The following TNFRSF19 variants were observed in gnomAD, a reference collection of about 807,000 sequenced individuals.
TNFRSF19 encodes the protein TNF receptor superfamily member 19, also known as tumor necrosis factor receptor superfamily member 19.
A neutral mutation model predicts 46.4 loss-of-function variants in TNFRSF19; 27 were observed. The observed-to-expected ratio is 0.58, with a 90% CI of 0.43 to 0.80. The LOEUF (loss-of-function observed/expected upper bound fraction) is 0.80, where lower values mean the gene tolerates loss of function less well. TNFRSF19 is among the 30% of genes least tolerant of loss of function. The pLI is 0.00. For missense variants in TNFRSF19, 511 were observed against 530.8 expected, an observed-to-expected ratio of 0.96 and a Z score of 0.37; for synonymous variants, 204 against 205.0, an observed-to-expected ratio of 1.00 and a Z score of 0.04.
intron 5 of TNFRSF19, among the ~76,000 whole-genome samples, chr13:23,642,243 A>G (rs1156660376): frequency 6.6e-6 from 1 of 152,160 alleles, no homozygotes. Context: ...GTTGCAAGTC[A>G]CTCATTCCGT....
chr13:23,617,629 A>G (rs1234847148), intron 4 of TNFRSF19, among the ~76,000 whole-genome samples: 1 of 152,254 alleles, frequency 6.6e-6, no homozygotes, highest in African/African-American at 2.4e-5. Context: ...CTGGAGCATC[A>G]GAAACCAGTC....
At chr13:23,614,469 AAATGGG>A (rs935913754) in intron 3 of TNFRSF19, among the ~76,000 whole-genome samples, 44 of 152,292 alleles carry the variant, frequency 2.9e-4, no homozygotes, top group African/African-American at 1.0e-3. Flanking sequence ...TTTACAGAAA[AAATGGG>A]AATGTTGAAC....
chr13:23,658,903 G>A (rs769989073), intron 5 of TNFRSF19, 147 bp from the exon 6 acceptor site: 2 of 939,296 alleles, frequency 2.1e-6, no homozygotes, highest in Non-Finnish European at 3.3e-6. Context: ...CTTCTGGGTG[G>A]AGGGGGTGCT....
Position 23,584,324 on chromosome 13 carries a change from T to C in TNFRSF19, c.-34-5826T>C, listed in dbSNP as rs144853393. Among the ~76,000 whole-genome samples, 145 of 152,284 alleles carry C rather than the reference T, an allele frequency of 9.5e-4. 2 individuals carry two copies. In the Middle Eastern group the frequency reaches 0.01, roughly 11 times the overall value. On this transcript the variant is annotated intron_variant, in intron 1 of 9. Transcript: ENST00000248484. ...CCCAGTTATGAGTAAGAACATACAA[T>C]GTTTGGTTTTCCATTCCTGAGTTAC...
intron 1 of TNFRSF19, among the ~76,000 whole-genome samples, chr13:23,574,909 C>T (rs1450732943): frequency 6.6e-6 from 1 of 152,212 alleles, no homozygotes; most frequent in Non-Finnish European, 1.5e-5. Flanking sequence ...TAAAACCCTC[C>T]TTTGTGACTT....
intron 5 of TNFRSF19, among the ~76,000 whole-genome samples, chr13:23,635,864 C>T (rs574767596): frequency 5.0e-4 from 76 of 151,980 alleles, no homozygotes; most frequent in Non-Finnish European, 9.1e-4. Context: ...AATTTTTGAA[C>T]TTTACTGAAA....
Position 23,668,673 on chromosome 13 carries a change from C to T in TNFRSF19, c.840-19C>T. The T allele has an allele frequency of 1.3e-6, 2 of 1,594,280 alleles. No individual in the cohort carries two copies. The highest frequency in any genetic ancestry group is 2.2e-5 in the East Asian group (1 of 44,722). On this transcript the variant is annotated intron_variant, in intron 8 of 9. Transcript: ENST00000248484. ...TTCTCCCCATCAAAAACTTTAAGTT[C>T]TTTTGAACGTGTGTGCAGAAACGCA...
chr13:23,626,679 AC>A (rs1219810351), intron 4 of TNFRSF19, 27 bp from the exon 5 acceptor site: 1 of 1,607,724 alleles, frequency 6.2e-7, no homozygotes, highest in African/African-American at 1.3e-5. Context: ...GAAAGAGTTA[AC>A]AAGGAGTATT....
At chr13:23,602,927 T>C (rs776871819) in intron 3 of TNFRSF19, among the ~76,000 whole-genome samples, 2 of 151,974 alleles carry the variant, frequency 1.3e-5, no homozygotes, top group Non-Finnish European at 2.9e-5. Context: ...GATCTAAGCT[T>C]ATACCTTATA....
At chr13:23,635,167 C>T (rs114542965) in intron 5 of TNFRSF19, among the ~76,000 whole-genome samples, 1,683 of 151,784 alleles carry the variant, frequency 0.011, 33 homozygotes, top group African/African-American at 0.039. Flanking sequence ...AGGTGAACTC[C>T]GAGGGACAGG....
intron 5 of TNFRSF19, among the ~76,000 whole-genome samples, chr13:23,635,040 T>C (rs149569743): frequency 1.6e-3 from 236 of 152,196 alleles, no homozygotes; most frequent in South Asian, 4.4e-3. Flanking sequence ...TAATGGTCCA[T>C]GGTGTGTGTT....
At chr13:23,615,748 T>A in intron 3 of TNFRSF19, 119 bp from the exon 4 acceptor site, 1 of 1,021,620 alleles carries the variant, frequency 9.8e-7, no homozygotes, top group East Asian at 2.7e-5. Flanking sequence ...GCTGCCTTTG[T>A]GTCTAGGAAG....
chr13:23,590,469 G>A (rs964450665), intron 2 of TNFRSF19, among the ~76,000 whole-genome samples: 3 of 152,046 alleles, frequency 2.0e-5, no homozygotes, highest in African/African-American at 4.8e-5. Flanking sequence ...CGAGTCACTG[G>A]GATTACAGGC....
rs375952939 is a variant in TNFRSF19, at chr13:23,645,062, T to G, written c.446-13988T>G. ...TTCAAATCACATTTTGGTTTCATTT[T>G]AGTTCAGAATCATTCAATAATAAAT... On this transcript the variant is annotated intron_variant, in intron 5 of 9. Coordinates refer to ENST00000248484, the MANE Select transcript of TNFRSF19 (RefSeq NM_148957.4). Among the ~76,000 whole-genome samples, 16 of 152,364 alleles carry G rather than the reference T, an allele frequency of 1.1e-4. No homozygotes were observed. The East Asian group carries it at 1.5e-3, about 15-fold the overall frequency.
At chr13:23,602,608 G>T (rs1279702156) in intron 3 of TNFRSF19, among the ~76,000 whole-genome samples, 2 of 151,958 alleles carry the variant, frequency 1.3e-5, no homozygotes, top group East Asian at 3.9e-4. Context: ...ACCACATATG[G>T]GGCCATAAAA....
At chr13:23,669,179 G>C in intron 9 of TNFRSF19, 82 bp downstream of exon 9, 1 of 1,493,752 alleles carries the variant, frequency 6.7e-7, no homozygotes. Flanking sequence ...AAGATTTGGG[G>C]GAACCTGATG....
At chr13:23,648,442 C>CTGCAATGT (rs1421787173) in intron 5 of TNFRSF19, among the ~76,000 whole-genome samples, 1 of 152,118 alleles carries the variant, frequency 6.6e-6, no homozygotes, top group Admixed American at 6.5e-5. Context: ...ATTTTGTATC[C>CTGCAATGT]TGCAATGTTG....
chr13:23,617,133 G>A (rs555814465), intron 4 of TNFRSF19, among the ~76,000 whole-genome samples: 12 of 152,142 alleles, frequency 7.9e-5, no homozygotes, highest in African/African-American at 1.2e-4. Context: ...GAAGAGCACC[G>A]CAGACAGAAG....
rs1388400687 is a variant in TNFRSF19 at position 23,586,197 on chromosome 13, G to T, written c.-34-3953G>T. On this transcript the variant is annotated intron_variant, in intron 1 of 9. Transcript: ENST00000248484. ...GGTGTGAACCTGGGAGGCGGAGCTT[G>T]CAGGGAGCTGAGATCACACTACTGC... Among the ~76,000 whole-genome samples, 4 of 146,700 alleles carry T rather than the reference G, an allele frequency of 2.7e-5. No homozygotes were observed. In the Admixed American group the frequency reaches 2.8e-4, roughly 10 times the overall value.
Sources: gnomAD v4.1 joint callset for allele counts (sites outside exome capture counted in the v4.1 genomes callset) on GRCh38, gnomAD v4.1.1 for gene constraint, MANE v1.5 for transcripts, NCBI Gene and HGNC (gene_info 2026-07-23, HGNC 2026-07-21) for gene names.